KCNMA1: variants seen among roughly 807,000 people sequenced by gnomAD.
The protein encoded by KCNMA1 is Calcium-activated potassium channel subunit alpha-1.
In KCNMA1, 29 loss-of-function variants were observed where a neutral mutation model predicts 140.0. The ratio of observed to expected loss-of-function variants is 0.21; its 90% CI spans 0.15 to 0.28. The LOEUF (loss-of-function observed/expected upper bound fraction) is 0.28, where lower values mean the gene tolerates loss of function less well. Ranked by LOEUF, KCNMA1 falls within the 10% of genes least tolerant of loss-of-function variation. The pLI is 1.00. For synonymous variants in KCNMA1, 612 were observed against 611.9 expected, an observed-to-expected ratio of 1.00 and a Z score of 0.00; for missense variants, 880 against 1,602.2, an observed-to-expected ratio of 0.55 and a Z score of 7.70.
intron 5 of KCNMA1, among the ~76,000 whole-genome samples, chr10:77,137,289 C>T (rs962965811): frequency 6.6e-6 from 1 of 152,154 alleles, no homozygotes; most frequent in Non-Finnish European, 1.5e-5. Context: ...ATTTTCCATT[C>T]CCTTTCACTC....
At position 77,058,252 on chromosome 10, in the gene KCNMA1, T is replaced by G. The variant is rs191998121; in HGVS notation, c.1749+14845A>C. 1.6e-3 allele frequency among the ~76,000 whole-genome samples: 247 copies of G among 152,042 alleles called. 5 individuals carry two copies. Among genetic ancestry groups the G allele is most frequent in the Non-Finnish European group, 1.6e-4 (11 of 67,894 alleles). ...CTAAAGTATATGCACTTAACAGACT[T>G]TCAAACACACACAAAGCAAAACCTG... is the stretch of plus-strand genomic sequence containing the variant. On this transcript the variant is annotated intron_variant, in intron 14 of 27. Transcript: ENST00000286628.
At chr10:77,580,123 T>C (rs766440777) in intron 1 of KCNMA1, among the ~76,000 whole-genome samples, 84 of 152,296 alleles carry the variant, frequency 5.5e-4, no homozygotes, top group African/African-American at 2.0e-3. Flanking sequence ...GGCTCATGCC[T>C]GTAATCCCAG....
chr10:77,397,208 C>A (rs939989124), intron 2 of KCNMA1, among the ~76,000 whole-genome samples: 1 of 152,178 alleles, frequency 6.6e-6, no homozygotes, highest in Non-Finnish European at 1.5e-5. Context: ...GAGTGTGACA[C>A]TCTTGCTACT....
chr10:77,548,380 G>A (rs1015397916), intron 1 of KCNMA1, among the ~76,000 whole-genome samples: 11 of 152,208 alleles, frequency 7.2e-5, no homozygotes, highest in Non-Finnish European at 1.6e-4. Flanking sequence ...GTGGTCAGAT[G>A]TTCCACCCCC....
intron 29 of KCNMA1, chr10:76,877,938 T>C (rs756841699): frequency 6.4e-7 from 1 of 1,568,598 alleles, no homozygotes; most frequent in Non-Finnish European, 8.7e-7. Context: ...AAATGAGAAG[T>C]TTAATTAGTC....
intron 17 of KCNMA1, among the ~76,000 whole-genome samples, chr10:77,016,983 A>G (rs977817235): frequency 2.0e-5 from 3 of 151,976 alleles, no homozygotes; most frequent in African/African-American, 4.8e-5. Context: ...TGCAGTCTTC[A>G]TCTATTTGAG....
chr10:77,046,687 A>T (rs557156733), intron 14 of KCNMA1, among the ~76,000 whole-genome samples: 3 of 152,336 alleles, frequency 2.0e-5, no homozygotes, highest in African/African-American at 7.2e-5. Flanking sequence ...ATGTCAACAA[A>T]CTTGCCCCAG....
chr10:77,452,323 G>C (rs1463137434), intron 1 of KCNMA1, among the ~76,000 whole-genome samples: 4 of 152,176 alleles, frequency 2.6e-5, no homozygotes, highest in Non-Finnish European at 5.9e-5. Context: ...TCAGGTGGGG[G>C]CCCAAAACAT....
chr10:77,061,914 T>G (rs1488690710), intron 14 of KCNMA1, among the ~76,000 whole-genome samples: 1 of 152,222 alleles, frequency 6.6e-6, no homozygotes, highest in African/African-American at 2.4e-5. Flanking sequence ...AAAGGTTACA[T>G]GCTCCATGAT....
intron 23 of KCNMA1, among the ~76,000 whole-genome samples, chr10:76,918,803 A>T (rs1265593319): frequency 6.6e-6 from 1 of 152,172 alleles, no homozygotes; most frequent in African/African-American, 2.4e-5. Flanking sequence ...TGTTTATAGC[A>T]GCACAATTCA....
intron 2 of KCNMA1, among the ~76,000 whole-genome samples, chr10:77,349,645 G>C (rs2092628106): frequency 2.0e-5 from 3 of 152,108 alleles, no homozygotes; most frequent in Admixed American, 2.0e-4. Flanking sequence ...TTTGCATGTA[G>C]AGTCAATCAG....
intron 2 of KCNMA1, among the ~76,000 whole-genome samples, chr10:77,338,138 G>A (rs2089814147): frequency 6.6e-6 from 1 of 152,160 alleles, no homozygotes; most frequent in Non-Finnish European, 1.5e-5. Flanking sequence ...GCTCTTGAGA[G>A]TGAAAAGGAA....
At chr10:77,252,382 G>A (rs1175838798) in intron 2 of KCNMA1, among the ~76,000 whole-genome samples, 1 of 152,188 alleles carries the variant, frequency 6.6e-6, no homozygotes, top group Non-Finnish European at 1.5e-5. Context: ...ACCTTTCCAG[G>A]TATGCTAATA....
chr10:77,141,374 T>C (rs1180895813), intron 5 of KCNMA1, among the ~76,000 whole-genome samples: 1 of 152,126 alleles, frequency 6.6e-6, no homozygotes, highest in Non-Finnish European at 1.5e-5. Context: ...GGAGATGAGG[T>C]ACTTTAGGGA....
intron 5 of KCNMA1, among the ~76,000 whole-genome samples, chr10:77,157,744 C>G (rs1216270154): frequency 6.6e-6 from 1 of 152,122 alleles, no homozygotes; most frequent in Non-Finnish European, 1.5e-5. Context: ...GAGGCGAGCC[C>G]CACAGCAAGG....
At chr10:77,002,264 A>G (rs1035504544) in intron 18 of KCNMA1, among the ~76,000 whole-genome samples, 1 of 152,212 alleles carries the variant, frequency 6.6e-6, no homozygotes, top group Non-Finnish European at 1.5e-5. Context: ...GCTACTCAAG[A>G]CTAACGCTGC....
At chr10:77,003,650 G>A (rs2087289307) in intron 18 of KCNMA1, among the ~76,000 whole-genome samples, 1 of 152,168 alleles carries the variant, frequency 6.6e-6, no homozygotes, top group Non-Finnish European at 1.5e-5. Context: ...TGTAGCAGAA[G>A]AGAAGCCCAT....
intron 1 of KCNMA1, among the ~76,000 whole-genome samples, chr10:77,567,415 T>G (rs963390701): frequency 1.3e-5 from 2 of 152,172 alleles, no homozygotes; most frequent in Admixed American, 1.3e-4. Context: ...CTCCATGGGC[T>G]TCCAGATAAG....
At chr10:77,634,064 C>A (rs1243042586) in intron 1 of KCNMA1, 2 of 728,532 alleles carry the variant, frequency 2.7e-6, no homozygotes, top group Non-Finnish European at 3.4e-6. Flanking sequence ...AGAATTCAAT[C>A]CCCACATTTT....
Sources: allele counts gnomAD v4.1 joint callset (sites outside exome capture counted in the v4.1 genomes callset), GRCh38; gene constraint gnomAD v4.1.1; transcripts MANE v1.5; gene names NCBI Gene and HGNC (gene_info 2026-07-23, HGNC 2026-07-21).